PDE4D: variants seen among roughly 807,000 people sequenced by gnomAD.
PDE4D encodes the protein phosphodiesterase 4D.
In PDE4D, 24 loss-of-function variants were observed where a neutral mutation model predicts 87.4. The ratio of observed to expected loss-of-function variants is 0.27; its 90% CI spans 0.20 to 0.39. PDE4D has a LOEUF of 0.39. Among genes scored for constraint, PDE4D ranks in the 10% least tolerant of loss-of-function variants. The pLI, the probability that PDE4D is intolerant of heterozygous loss-of-function variation, is 1.00. For synonymous variants in PDE4D, 384 were observed against 383.2 expected, an observed-to-expected ratio of 1.00 and a Z score of -0.02; for missense variants, 714 against 1,041.0, an observed-to-expected ratio of 0.69 and a Z score of 4.32.
At chr5:59,248,756 T>C (rs941723051) in intron 1 of PDE4D, among the ~76,000 whole-genome samples, 1 of 152,084 alleles carries the variant, frequency 6.6e-6, no homozygotes, top group East Asian at 1.9e-4. Flanking sequence ...TACATAAAAT[T>C]TTATCTGTGA....
intron 1 of PDE4D, among the ~76,000 whole-genome samples, chr5:59,760,033 T>G (rs922391618): frequency 6.6e-6 from 1 of 152,224 alleles, no homozygotes; most frequent in Non-Finnish European, 1.5e-5. Flanking sequence ...TGTGTATATG[T>G]GTATTTTTAC....
At chr5:60,325,178 G>A (rs1441707809) in intron 1 of PDE4D, among the ~76,000 whole-genome samples, 2 of 152,122 alleles carry the variant, frequency 1.3e-5, no homozygotes, top group African/African-American at 2.4e-5. Flanking sequence ...TATTCCCTAA[G>A]CTGATCCCTG....
At position 59,197,159 on chromosome 5, in the gene PDE4D, T is replaced by C. The variant is rs566557942; in HGVS notation, c.648-3623A>G. On this transcript the variant is annotated intron_variant, in intron 2 of 14. Transcript: ENST00000340635. ...TATGTCTCCTAATTTTTTATATAGATTGCAGTGGATTTGAATCTTTCAAAA... is the reference window on the plus strand; with the variant it reads ...TATGTCTCCTAATTTTTTATATAGACTGCAGTGGATTTGAATCTTTCAAAA... 1.8e-4 allele frequency among the ~76,000 whole-genome samples: 28 copies of C among 152,312 alleles called. 1 individual carries two copies. The South Asian group carries it at 4.3e-3, about 24-fold the overall frequency.
chr5:59,706,183 A>G (rs1365683538), intron 1 of PDE4D, among the ~76,000 whole-genome samples: 1 of 152,092 alleles, frequency 6.6e-6, no homozygotes, highest in Non-Finnish European at 1.5e-5. Flanking sequence ...GGTTCCATTT[A>G]TTTGGTTATG....
intron 2 of PDE4D, among the ~76,000 whole-genome samples, chr5:59,210,749 T>C (rs1050916506): frequency 5.3e-5 from 8 of 152,288 alleles, no homozygotes; most frequent in African/African-American, 1.9e-4. Context: ...GATTGGATCA[T>C]CTTTGCATTC....
chr5:59,711,764 T>C (rs1478069031), intron 1 of PDE4D, among the ~76,000 whole-genome samples: 3 of 152,166 alleles, frequency 2.0e-5, no homozygotes, highest in Non-Finnish European at 4.4e-5. Context: ...TATTATGATA[T>C]ATTACTTCTT....
intron 2 of PDE4D, among the ~76,000 whole-genome samples, chr5:60,108,717 C>T (rs969666284): frequency 4.6e-5 from 7 of 152,078 alleles, no homozygotes; most frequent in African/African-American, 1.4e-4. Context: ...ATATCTACAA[C>T]TATCTGATCT....
At chr5:60,287,152 A>G (rs1752495574) in intron 1 of PDE4D, among the ~76,000 whole-genome samples, 1 of 152,226 alleles carries the variant, frequency 6.6e-6, no homozygotes, top group Admixed American at 6.5e-5. Flanking sequence ...ACTACTCTAG[A>G]CAGCACAGAC....
chr5:59,949,857 C>T (rs1428273076), intron 3 of PDE4D, among the ~76,000 whole-genome samples: 3 of 152,124 alleles, frequency 2.0e-5, no homozygotes, highest in African/African-American at 7.2e-5. Context: ...AGGACACCTC[C>T]ATTTTTGTTT....
intron 1 of PDE4D, among the ~76,000 whole-genome samples, chr5:59,759,746 C>G (rs747521093): frequency 6.6e-6 from 1 of 152,152 alleles, no homozygotes; most frequent in African/African-American, 2.4e-5. Context: ...CCCAAACATT[C>G]CAGCAGCACT....
chr5:60,020,406 C>T (rs1765930095), intron 2 of PDE4D, among the ~76,000 whole-genome samples: 2 of 152,090 alleles, frequency 1.3e-5, no homozygotes, highest in African/African-American at 2.4e-5. Flanking sequence ...TTTCACAAAC[C>T]TTCAATTGGT....
At chr5:59,233,844 T>C (rs1006451628) in intron 1 of PDE4D, among the ~76,000 whole-genome samples, 4 of 152,172 alleles carry the variant, frequency 2.6e-5, no homozygotes, top group African/African-American at 9.7e-5. Flanking sequence ...CTACCTACTC[T>C]AGCCACTCTG....
intron 1 of PDE4D, among the ~76,000 whole-genome samples, chr5:59,380,301 A>C (rs13359304): frequency 9.1e-4 from 139 of 151,948 alleles, no homozygotes; most frequent in African/African-American, 3.2e-3. Context: ...ATCTAAAGCA[A>C]TTAAAAAAAC....
rs149279919 is a variant in PDE4D at position 60,348,462 on chromosome 5, A to T, written c.-90+139480T>A. Among the ~76,000 whole-genome samples the T allele has an allele frequency of 7.0e-4, 106 of 152,246 alleles. 1 individual carries two copies. Among genetic ancestry groups the T allele is most frequent in the African/African-American group, 2.5e-3 (103 of 41,568 alleles). The stretch of plus-strand genomic sequence containing the variant: ...AGAACTCAAATTTTAAAAAAAACTC[A>T]AGTATGGAAATGGTCTATATATAAA... On this transcript the variant is annotated intron_variant, in intron 1 of 16. Coordinates refer to the PDE4D transcript ENST00000502484.
chr5:60,270,886 A>G (rs945921461), intron 1 of PDE4D, among the ~76,000 whole-genome samples: 2 of 152,182 alleles, frequency 1.3e-5, no homozygotes, highest in Non-Finnish European at 2.9e-5. Flanking sequence ...GTTCTTTCCA[A>G]AAACTTCAGA....
chr5:59,107,904 C>T (rs1771905011), intron 5 of PDE4D, among the ~76,000 whole-genome samples: 1 of 152,090 alleles, frequency 6.6e-6, no homozygotes, highest in East Asian at 1.9e-4. Flanking sequence ...GGAGAGTTCA[C>T]ATGAGGAATC....
intron 1 of PDE4D, among the ~76,000 whole-genome samples, chr5:60,285,692 T>C (rs1197775521): frequency 6.6e-6 from 1 of 152,162 alleles, no homozygotes; most frequent in Non-Finnish European, 1.5e-5. Flanking sequence ...AATAAAGAGA[T>C]ACTACCTTAC....
chr5:60,151,319 A>G (rs1781480116), intron 2 of PDE4D, among the ~76,000 whole-genome samples: 1 of 152,080 alleles, frequency 6.6e-6, no homozygotes, highest in African/African-American at 2.4e-5. Context: ...TACCATTTGA[A>G]TTTTCATAAG....
intron 1 of PDE4D, chr5:59,430,479 G>A: frequency 1.1e-5 from 13 of 1,194,982 alleles, no homozygotes; most frequent in Non-Finnish European, 1.4e-5. Context: ...TTCCTGGGAA[G>A]GCTGGAAAGA....
Sources: allele counts gnomAD v4.1 joint callset (sites outside exome capture counted in the v4.1 genomes callset), GRCh38; gene constraint gnomAD v4.1.1; transcripts MANE v1.5; gene names NCBI Gene and HGNC (gene_info 2026-07-23, HGNC 2026-07-21).